SPCS3: variants seen among roughly 807,000 people sequenced by gnomAD.
SPCS3 encodes the protein signal peptidase complex subunit 3, also known as SPase 22 kDa subunit.
A neutral mutation model predicts 17.2 loss-of-function variants in SPCS3; 9 were observed. That is an observed-to-expected ratio of 0.52 (90% CI 0.31 to 0.91). The LOEUF is 0.91. Ranked by LOEUF, SPCS3 falls within the 40% of genes least tolerant of loss-of-function variation. The pLI, the probability that SPCS3 is intolerant of heterozygous loss-of-function variation, is 0.04. For synonymous variants in SPCS3, 87 were observed against 89.6 expected (o/e 0.97, Z 0.16); for missense variants, 139 against 217.5 (o/e 0.64, Z 2.27).
intron 3 of SPCS3, among the ~76,000 whole-genome samples, chr4:176,324,873 C>T (rs768723035): frequency 6.0e-4 from 92 of 152,078 alleles, no homozygotes; most frequent in Admixed American, 1.3e-3. Flanking sequence ...CTGTGTCACA[C>T]TGAAGGATTA....
At chr4:176,324,117 T>G in intron 2 of SPCS3, 64 bp from the exon 3 acceptor site, 1 of 826,440 alleles carries the variant, frequency 1.2e-6, no homozygotes, top group Non-Finnish European at 1.7e-6. Flanking sequence ...AACCTAAGAA[T>G]AATTAAGATC....
At chr4:176,322,857 A>G (rs1021333238) in intron 2 of SPCS3, among the ~76,000 whole-genome samples, 1 of 152,100 alleles carries the variant, frequency 6.6e-6, no homozygotes, top group African/African-American at 2.4e-5. Context: ...AACTCTGATC[A>G]TTTTGGCCAG....
chr4:176,324,646 T>C (rs1290149347), intron 3 of SPCS3, among the ~76,000 whole-genome samples: 1 of 152,262 alleles, frequency 6.6e-6, no homozygotes, highest in East Asian at 1.9e-4. Flanking sequence ...TACCTAGTAT[T>C]TATTCATTTG....
chr4:176,322,141 G>A (rs1296272415), intron 1 of SPCS3, 29 bp from the exon 2 acceptor site: 1 of 1,420,320 alleles, frequency 7.0e-7, no homozygotes, highest in South Asian at 1.2e-5. Flanking sequence ...CTGTTGGAAG[G>A]ATGGTAAAAC....
intron 2 of SPCS3, among the ~76,000 whole-genome samples, chr4:176,322,957 C>T (rs987346432): frequency 1.3e-5 from 2 of 151,980 alleles, no homozygotes; most frequent in Non-Finnish European, 2.9e-5. Context: ...TTTTAATACC[C>T]CGTGATTTAA....
At position 176,327,215 on chromosome 4, in the gene SPCS3, G is replaced by A. The variant is rs780478295; in HGVS notation, c.348G>A (p.Pro116=). Residue 116 remains proline (P), a synonymous_variant, in exon 4 of 5, where the codon CCG becomes CCA. Coordinates refer to ENST00000503362, the MANE Select transcript of SPCS3 (RefSeq NM_021928.4). ...WDKIVLRGDN[P]KLLLKDMKTK... is the part of the protein sequence containing the mutation. The stretch of plus-strand genomic sequence containing the variant: ...AGATTGTTTTGAGAGGTGATAATCC[G>A]AAGCTGCTGCTGAAAGATATGAAAA... The A allele has an allele frequency of 6.7e-5, 107 of 1,599,906 alleles. No individual in the cohort carries two copies. Among genetic ancestry groups the A allele is most frequent in the South Asian group, 1.7e-4 (15 of 87,864 alleles).
In SPCS3 at chr4:176,319,978, C is replaced by T. The variant is rs1731511153; in HGVS notation, c.-99C>T. 1 of 1,342,890 alleles carries T rather than the reference C, an allele frequency of 7.4e-7. No homozygotes were observed. 83.2% of individuals were successfully genotyped at this position (1,342,890 alleles called of 1,614,324 possible). Reference sequence around the variant, plus strand: ...TGCGGCGGCGCGCGCTCCCGGAACGCGCGCACCGCAGACGGCGCGGATCGC... The same window carrying T: ...TGCGGCGGCGCGCGCTCCCGGAACGTGCGCACCGCAGACGGCGCGGATCGC... On this transcript the variant is annotated 5_prime_UTR_variant, in exon 1 of 5. Coordinates refer to ENST00000503362, the MANE Select transcript of SPCS3 (RefSeq NM_021928.4).
rs1363349868 is a variant in SPCS3, at chr4:176,322,270, C to G, written c.217+27C>G. ...TATCCTTTAAGAAAATATTTCGTTG[C>G]GTTTTCTGTAGTTTTATAATGAGAT... On this transcript the variant is annotated intron_variant, in intron 2 of 4. Coordinates refer to ENST00000503362, the MANE Select transcript of SPCS3 (RefSeq NM_021928.4). 2.7e-6 allele frequency: 4 copies of G among 1,462,234 alleles called. No individual in the cohort carries two copies. In the African/African-American group the frequency reaches 5.6e-5, roughly 20 times the overall value. The allele number at this position is 1,462,234 out of a possible 1,614,324, so 90.6% of individuals were successfully genotyped here. A position where few individuals can be genotyped will look rare whatever the true frequency, so the allele number is the denominator to read the frequency against.
At chr4:176,320,880 T>G (rs983699493) in intron 1 of SPCS3, 2 of 152,238 alleles carry the variant, frequency 1.3e-5, no homozygotes, top group Non-Finnish European at 2.9e-5. Context: ...GATTTTTGTT[T>G]TGTTGGGTTT....
At chr4:176,328,119 A>C in intron 4 of SPCS3, 79 bp from the exon 5 acceptor site, 1 of 1,281,012 alleles carries the variant, frequency 7.8e-7, no homozygotes, top group South Asian at 1.3e-5. Flanking sequence ...AAAGTATTTG[A>C]CATCTCAGTG....
In SPCS3 at chr4:176,330,469, C is replaced by T. The variant is rs1267534069; in HGVS notation, c.*2139C>T. 6.6e-6 allele frequency: 1 copy of T among 152,140 alleles called. No homozygotes were observed. Among genetic ancestry groups the T allele is most frequent in the Non-Finnish European group, 1.5e-5 (1 of 67,998 alleles). 9.4% of individuals were successfully genotyped at this position (152,140 alleles called of 1,614,324 possible). On this transcript the variant is annotated 3_prime_UTR_variant, in exon 5 of 5. Transcript: ENST00000503362. Reference sequence around the variant, plus strand: ...ATTTACTTGAATTACAGTTATTTGACAAGCCCACTTTTTTTGGAGTTTGGT... The same window carrying T: ...ATTTACTTGAATTACAGTTATTTGATAAGCCCACTTTTTTTGGAGTTTGGT...
intron 4 of SPCS3, 65 bp from the exon 5 acceptor site, chr4:176,328,133 G>T: frequency 1.3e-6 from 2 of 1,493,824 alleles, no homozygotes; most frequent in South Asian, 2.4e-5. Context: ...CTCAGTGTTT[G>T]TCTTAAAATT....
rs1057313845 is a variant in SPCS3 at position 176,330,251 on chromosome 4, C to G, written c.*1921C>G. The stretch of plus-strand genomic sequence containing the variant: ...AGATTTTACACTCTGAAAATTTCAC[C>G]TCATTTAGTTTGTACAAATACTAGA... On this transcript the variant is annotated 3_prime_UTR_variant, in exon 5 of 5. Transcript: ENST00000503362. The G allele has an allele frequency of 6.6e-6, 1 of 152,168 alleles. No individual in the cohort carries two copies. Among genetic ancestry groups the G allele is most frequent in the Non-Finnish European group, 1.5e-5 (1 of 68,034 alleles). The allele number at this position is 152,168 out of a possible 1,614,324, so 9.4% of individuals were successfully genotyped here. A position where few individuals can be genotyped will look rare whatever the true frequency, so the allele number is the denominator to read the frequency against.
At position 176,327,215 on chromosome 4, in the gene SPCS3, G is replaced by T. The variant is rs780478295; in HGVS notation, c.348G>T (p.Pro116=). 1.9e-6 allele frequency: 3 copies of T among 1,600,026 alleles called. No individual in the cohort carries two copies. Among genetic ancestry groups the T allele is most frequent in the South Asian group, 2.3e-5 (2 of 87,860 alleles). ...AGATTGTTTTGAGAGGTGATAATCC[G>T]AAGCTGCTGCTGAAAGATATGAAAA... ...WDKIVLRGDN[P]KLLLKDMKTK... Residue 116 remains proline (P), a synonymous_variant, in exon 4 of 5, where the codon CCG becomes CCT. Transcript: ENST00000503362.
intron 1 of SPCS3, chr4:176,321,942 T>G: frequency 5.7e-6 from 2 of 347,904 alleles, no homozygotes; most frequent in Non-Finnish European, 5.3e-6. Flanking sequence ...TTCTGAGTTT[T>G]GTTAGGGATT....
chr4:176,330,515 C>T lies in SPCS3; in HGVS notation c.*2185C>T, dbSNP rs1290311646. The T allele has an allele frequency of 6.6e-6, 1 of 152,132 alleles. No homozygotes were observed. The highest frequency in any genetic ancestry group is 1.5e-5 in the Non-Finnish European group (1 of 68,012). 9.4% of individuals were successfully genotyped at this position (152,132 alleles called of 1,614,324 possible). ...TTGGTGAGGAAGATAAGTAAAAATG[C>T]CCAACTAGTACAATGTGGAGAAAGT... On this transcript the variant is annotated 3_prime_UTR_variant, in exon 5 of 5. Transcript: ENST00000503362.
chr4:176,328,710 T>G lies in SPCS3; in HGVS notation c.*380T>G, dbSNP rs1328771521. 6.5e-6 allele frequency: 1 copy of G among 152,734 alleles called. No homozygotes were observed. Among genetic ancestry groups the G allele is most frequent in the African/African-American group, 2.4e-5 (1 of 41,494 alleles). 9.5% of individuals were successfully genotyped at this position (152,734 alleles called of 1,614,324 possible). On this transcript the variant is annotated 3_prime_UTR_variant, in exon 5 of 5. Transcript: ENST00000503362. Reference sequence around the variant, plus strand: ...GCCTGTAGAGTCATAATAACTGTATTTTATGCCTTGCATTCACGCAAATTC... The same window carrying G: ...GCCTGTAGAGTCATAATAACTGTATGTTATGCCTTGCATTCACGCAAATTC...
chr4:176,327,083 T>G (rs1031836678), intron 3 of SPCS3, 79 bp from the exon 4 acceptor site: 3 of 802,544 alleles, frequency 3.7e-6, no homozygotes, highest in Admixed American at 3.5e-5. Context: ...TCAAACTATT[T>G]GCTTACTAAT....
Position 176,328,305 on chromosome 4 carries a change from C to T in SPCS3, c.518C>T (p.Thr173Ile). 2 of 1,602,016 alleles carry T rather than the reference C, an allele frequency of 1.2e-6. No homozygotes were observed. Among genetic ancestry groups the T allele is most frequent in the Non-Finnish European group, 1.7e-6 (2 of 1,174,890 alleles). The part of the protein sequence containing the change: ...SGHVSVPFPD[T>I]YEITKSY ...CACGTATCTGTCCCATTTCCAGATACATATGAAATAACGAAGAGTTATTAA... is the reference window on the plus strand; with the variant it reads ...CACGTATCTGTCCCATTTCCAGATATATATGAAATAACGAAGAGTTATTAA... Residue 173 changes from threonine (T) to isoleucine (I), a missense_variant, in exon 5 of 5, where the codon ACA (threonine) becomes ATA (isoleucine). Physicochemically the swap from Thr to Ile is moderately conservative, Grantham distance 89 (BLOSUM62 -1). Coordinates refer to ENST00000503362, the MANE Select transcript of SPCS3 (RefSeq NM_021928.4).
Sources: allele counts gnomAD v4.1 joint callset (sites outside exome capture counted in the v4.1 genomes callset), GRCh38; gene constraint gnomAD v4.1.1; transcripts MANE v1.5; gene names NCBI Gene and HGNC (gene_info 2026-07-23, HGNC 2026-07-21).